CAMK1: variants seen among roughly 807,000 people sequenced by gnomAD.
CAMK1 encodes the protein calcium/calmodulin-dependent protein kinase type 1.
In CAMK1, 39 loss-of-function variants were observed where a neutral mutation model predicts 49.1. That is an observed-to-expected ratio of 0.79 (90% CI 0.62 to 1.04). The LOEUF (loss-of-function observed/expected upper bound fraction) is 1.04, where lower values mean the gene tolerates loss of function less well. CAMK1 is among the 50% of genes least tolerant of loss of function. The pLI is 0.00. For missense variants in CAMK1, 457 were observed against 472.2 expected (o/e 0.97, Z 0.30); for synonymous variants, 192 against 185.2 (o/e 1.04, Z -0.30).
At chr3:9,766,588 C>CT in intron 2 of CAMK1, 2 of 984,204 alleles carry the variant, frequency 2.0e-6, no homozygotes, top group Non-Finnish European at 2.6e-6. Context: ...GCTCATTGAA[C>CT]TTTAAGAAGC....
Position 9,759,495 on chromosome 3 carries a change from T to G in CAMK1, c.905A>C (p.Lys302Thr), listed in dbSNP as rs2077744023. 6.2e-7 allele frequency: 1 copy of G among 1,614,094 alleles called. No individual in the cohort carries two copies. Among genetic ancestry groups the G allele is most frequent in the African/African-American group, 1.3e-5 (1 of 74,934 alleles). ...EQIKKNFAKSKWKQAFNATAV... is the reference protein window; with the variant it reads ...EQIKKNFAKSTWKQAFNATAV... ...CTAGGGATATGGACTCACCTTCCAC[T>G]TGCTCTTGGCAAAGTTCTTCTTGAT... Residue 302 changes from lysine (K) to threonine (T), a missense_variant, in exon 10 of 12, where the codon AAG (lysine) becomes ACG (threonine). Lys to Thr is a moderately conservative substitution (Grantham distance 78, BLOSUM62 -1). Coordinates refer to ENST00000256460, the MANE Select transcript of CAMK1 (RefSeq NM_003656.5).
chr3:9,757,909 G>A lies in CAMK1; in HGVS notation c.913-63C>T. ...ACTTTTGAGAGAGTCAAGTCATGGGGCAGGGGCGCAGTGGGATTCTTGCAA... is the reference window on the plus strand; with the variant it reads ...ACTTTTGAGAGAGTCAAGTCATGGGACAGGGGCGCAGTGGGATTCTTGCAA... On this transcript the variant is annotated intron_variant, in intron 10 of 11. Transcript: ENST00000256460. This position sits in a 1 kb window ranked among gnomAD's most constrained non-coding sequence, Gnocchi z 4.5. The A allele has an allele frequency of 6.5e-7, 1 of 1,538,576 alleles. No homozygotes were observed. The highest frequency in any genetic ancestry group is 8.8e-7 in the Non-Finnish European group (1 of 1,139,894).
intron 5 of CAMK1, 35 bp downstream of exon 5, chr3:9,762,879 G>A (rs1218738167): frequency 1.2e-6 from 2 of 1,609,980 alleles, no homozygotes; most frequent in East Asian, 2.2e-5. Flanking sequence ...CCCACCCCTG[G>A]GTACCCTAGC....
chr3:9,766,765 C>A, intron 2 of CAMK1: 1 of 395,294 alleles, frequency 2.5e-6, no homozygotes, highest in Non-Finnish European at 3.6e-6. Context: ...AAATTTCAAT[C>A]CTCAGGGATA....
chr3:9,759,947 T>G (rs1246559118), intron 8 of CAMK1, 197 bp from the exon 9 acceptor site: 3 of 749,268 alleles, frequency 4.0e-6, no homozygotes, highest in Non-Finnish European at 6.3e-6. Context: ...CTTTCTCTCT[T>G]AAGAAAAACA....
At chr3:9,761,219 C>A in intron 7 of CAMK1, 2 of 454,578 alleles carry the variant, frequency 4.4e-6, no homozygotes, top group East Asian at 7.1e-5. Flanking sequence ...GAAAGAAAGT[C>A]AGCTCCCTGA....
Position 9,763,052 on chromosome 3 carries a change from C to T in CAMK1, c.291G>A (p.Leu97=). 1 of 1,614,134 alleles carries T rather than the reference C, an allele frequency of 6.2e-7. No homozygotes were observed. The highest frequency in any genetic ancestry group is 8.5e-7 in the Non-Finnish European group (1 of 1,180,014). ...SGGHLYLIMQ[L]VSGGELFDRI... is the part of the protein sequence containing the mutation. Reference sequence around the variant, plus strand: ...GGTCAAAGAGCTCCCCACCCGACACCCTGCAGCAGGGGATAGGGCAGTCTG... The same window carrying T: ...GGTCAAAGAGCTCCCCACCCGACACTCTGCAGCAGGGGATAGGGCAGTCTG... Residue 97 remains leucine, a splice_region_variant and synonymous_variant, in exon 5 of 12, where the codon CTG becomes CTA. Transcript: ENST00000256460.
In CAMK1 at chr3:9,763,068, G is replaced by A. The variant is rs1413097072; in HGVS notation, c.291-16C>T. 1 of 1,614,178 alleles carries A rather than the reference G, an allele frequency of 6.2e-7. No homozygotes were observed. The highest frequency in any genetic ancestry group is 2.2e-5 in the East Asian group (1 of 44,880). On this transcript the variant is annotated splice_polypyrimidine_tract_variant and intron_variant, in intron 4 of 11. Coordinates refer to ENST00000256460, the MANE Select transcript of CAMK1 (RefSeq NM_003656.5). ...ACCCGACACCCTGCAGCAGGGGATA[G>A]GGCAGTCTGGCAAAGAGGGTTGGGA... is the stretch of plus-strand genomic sequence containing the variant.
chr3:9,765,689 A>G (rs1410135712), intron 3 of CAMK1, 70 bp downstream of exon 3: 4 of 1,545,430 alleles, frequency 2.6e-6, no homozygotes, highest in Non-Finnish European at 3.5e-6. Flanking sequence ...TGTCCAAAGC[A>G]GGAAAGGAGG....
rs745694636 is a variant in CAMK1 at position 9,757,637 on chromosome 3, G to A, written c.1031-16C>T. 6.8e-6 allele frequency: 11 copies of A among 1,614,032 alleles called. No individual in the cohort carries two copies. The highest frequency in any genetic ancestry group is 8.5e-6 in the Non-Finnish European group (10 of 1,180,016). Reference sequence around the variant, plus strand: ...GCTGCCGGCCCTGCATGGGAAGACAGAACAGAGGTGGCCGCAGGGGCAGGC... The same window carrying A: ...GCTGCCGGCCCTGCATGGGAAGACAAAACAGAGGTGGCCGCAGGGGCAGGC... On this transcript the variant is annotated splice_polypyrimidine_tract_variant and intron_variant, in intron 11 of 11. Transcript: ENST00000256460. This position sits in a 1 kb window ranked among gnomAD's most constrained non-coding sequence, Gnocchi z 4.5.
intron 2 of CAMK1, 30 bp from the exon 3 acceptor site, chr3:9,765,920 G>C (rs941096222): frequency 2.5e-6 from 4 of 1,614,030 alleles, no homozygotes; most frequent in Non-Finnish European, 2.5e-6. Flanking sequence ...ACAAGGTGAA[G>C]AACTGGAACC....
At chr3:9,762,799 G>C in intron 5 of CAMK1, 115 bp downstream of exon 5, 1 of 998,246 alleles carries the variant, frequency 1.0e-6, no homozygotes, top group Non-Finnish European at 1.5e-6. Flanking sequence ...CCACTTTGTA[G>C]ATGGAAATCC....
intron 1 of CAMK1, among the ~76,000 whole-genome samples, chr3:9,768,381 C>T (rs1370213245): frequency 1.3e-5 from 2 of 152,204 alleles, no homozygotes; most frequent in East Asian, 1.9e-4. Context: ...ATCTGGGTCC[C>T]GGGAGCATGA....
chr3:9,766,586 A>T, intron 2 of CAMK1: 1 of 958,400 alleles, frequency 1.0e-6, no homozygotes. Flanking sequence ...ATGCTCATTG[A>T]ACTTTAAGAA....
intron 3 of CAMK1, 45 bp downstream of exon 3, chr3:9,765,714 A>C: frequency 6.2e-7 from 1 of 1,606,722 alleles, no homozygotes; most frequent in South Asian, 1.1e-5. Flanking sequence ...TGGGAGGGCC[A>C]AGGCAGGGTC....
chr3:9,759,994 G>C, intron 8 of CAMK1: 1 of 467,708 alleles, frequency 2.1e-6, no homozygotes, highest in Non-Finnish European at 3.8e-6. Flanking sequence ...TGTAATCCCA[G>C]CACTTTGGGA....
chr3:9,758,781 C>T, intron 10 of CAMK1: 1 of 236,634 alleles, frequency 4.2e-6, no homozygotes, highest in Non-Finnish European at 8.4e-6. Flanking sequence ...AGGCACGCAC[C>T]ACCATGTGTG....
intron 6 of CAMK1, 28 bp downstream of exon 6, chr3:9,761,603 C>T: frequency 6.2e-7 from 1 of 1,613,972 alleles, no homozygotes; most frequent in South Asian, 1.1e-5. Context: ...CCCCCACCAT[C>T]ACAGCCCCAG....
chr3:9,765,996 T>G (rs893902865), intron 2 of CAMK1, 106 bp from the exon 3 acceptor site: 17 of 1,614,182 alleles, frequency 1.1e-5, no homozygotes, highest in Non-Finnish European at 1.4e-5. Flanking sequence ...ACCAAGGACG[T>G]GGATGACCCT....
Sources: allele counts gnomAD v4.1 joint callset (sites outside exome capture counted in the v4.1 genomes callset), GRCh38; gene constraint gnomAD v4.1.1; non-coding constraint Gnocchi (gnomAD v3.1); transcripts MANE v1.5; gene names NCBI Gene and HGNC (gene_info 2026-07-23, HGNC 2026-07-21).